Variants in DHRS12 observed in about 807,000 individuals in gnomAD.
DHRS12 encodes the protein dehydrogenase/reductase SDR family member 12.
DHRS12 carries 29 observed loss-of-function variants against 32.1 expected under a neutral mutation model. The observed-to-expected ratio is 0.90, with a 90% CI of 0.67 to 1.23. The LOEUF (loss-of-function observed/expected upper bound fraction) is 1.23. Ranked by LOEUF, DHRS12 falls within the 50% of genes most tolerant of loss-of-function variation. DHRS12 has a pLI of 0.00. For missense variants in DHRS12, 330 were observed against 337.2 expected (o/e 0.98, Z 0.17); for synonymous variants, 150 against 135.9 (o/e 1.10, Z -0.72).
rs1287473891 is a variant in DHRS12 at position 51,782,350 on chromosome 13, C to T, written c.302-5229G>A. On this transcript the variant is annotated intron_variant, in intron 4 of 8. Coordinates refer to ENST00000444610, the MANE Select transcript of DHRS12 (RefSeq NM_001377533.1). The surrounding 1 kb of genome is among the most constrained non-coding windows in gnomAD (Gnocchi z 4.2). ...GAGGGATGCCAACATTTAAAGTCCC[C>T]GCAGACACGCTGCAGCTGGCTAAGG... Among the ~76,000 whole-genome samples, 1 of 152,082 alleles carries T rather than the reference C, an allele frequency of 6.6e-6. No individual in the cohort carries two copies. The highest frequency in any genetic ancestry group is 6.5e-5 in the Admixed American group (1 of 15,280).
chr13:51,758,819 G>A, the DHRS12 span, among the ~76,000 whole-genome samples: 3 of 152,188 alleles, frequency 2.0e-5, no homozygotes, highest in Non-Finnish European at 4.4e-5. Context: ...GGAGGTCACA[G>A]CAGGATGAGA....
chr13:51,755,860 A>G, the DHRS12 span, among the ~76,000 whole-genome samples: 300 of 152,288 alleles, frequency 2.0e-3, no homozygotes, highest in South Asian at 4.8e-3. Flanking sequence ...AGCATTTTCA[A>G]TCTGATTCCA....
downstream of DHRS12, chr13:51,765,589 A>C (rs1953720797): frequency 1.3e-5 from 2 of 152,170 alleles, no homozygotes; most frequent in Non-Finnish European, 2.9e-5. Context: ...TTATTATTGG[A>C]CATGCCTAGC....
At chr13:51,770,857 C>T in intron 7 of DHRS12, 1 of 1,092,260 alleles carries the variant, frequency 9.2e-7, no homozygotes, top group Non-Finnish European at 1.1e-6. Context: ...GCAGAGTCTT[C>T]AGCCCTGAAC....
chr13:51,772,146 A>G (rs1024132419), intron 6 of DHRS12, among the ~76,000 whole-genome samples: 1 of 152,064 alleles, frequency 6.6e-6, no homozygotes, highest in Non-Finnish European at 1.5e-5. Flanking sequence ...ACGCAGCAAA[A>G]CACTGAGAGA....
chr13:51,793,628 G>A (rs765465851), intron 2 of DHRS12, among the ~76,000 whole-genome samples: 2 of 152,158 alleles, frequency 1.3e-5, no homozygotes, highest in Non-Finnish European at 2.9e-5. Flanking sequence ...TCTGTACAGA[G>A]CTATTCTCTT....
intron 4 of DHRS12, among the ~76,000 whole-genome samples, chr13:51,778,581 G>A (rs1954554943): frequency 6.6e-6 from 1 of 152,166 alleles, no homozygotes; most frequent in Non-Finnish European, 1.5e-5. Context: ...TGCCCTGACG[G>A]ATTGTCATAA....
At chr13:51,766,022 A>G (rs1953736936), downstream of DHRS12, 1 of 152,176 alleles carries the variant, frequency 6.6e-6, no homozygotes, top group African/African-American at 2.4e-5. Context: ...CACTCACAAA[A>G]AAAGGGAAAA....
At chr13:51,790,150 C>G (rs925932076) in intron 3 of DHRS12, 58 bp from the exon 4 acceptor site, 2 of 1,370,454 alleles carry the variant, frequency 1.5e-6, no homozygotes, top group Non-Finnish European at 2.0e-6. Flanking sequence ...AGACCTATTT[C>G]CATCCCCACA....
intron 4 of DHRS12, 117 bp from the exon 5 acceptor site, chr13:51,777,238 G>A: frequency 9.3e-7 from 1 of 1,077,748 alleles, no homozygotes; most frequent in Non-Finnish European, 1.4e-6. Context: ...AGGGCAAGTG[G>A]CCACCTGAGG....
chr13:51,804,124 A>C lies in DHRS12; in HGVS notation c.-79T>G, dbSNP rs1955887560. The C allele has an allele frequency of 6.8e-7, 1 of 1,474,192 alleles. No homozygotes were observed. Among genetic ancestry groups the C allele is most frequent in the Non-Finnish European group, 9.0e-7 (1 of 1,117,074 alleles). The allele number at this position is 1,474,192 out of a possible 1,614,324, so 91.3% of individuals were successfully genotyped here. On this transcript the variant is annotated 5_prime_UTR_variant, in exon 1 of 9. Transcript: ENST00000444610. The stretch of plus-strand genomic sequence containing the variant: ...TACAGGGACATGCCGGGAGCGCCCC[A>C]CGCCTAGCCCCACCGCGCTCCCGGC...
chr13:51,767,562 A>G (rs1267948048), downstream of DHRS12: 2 of 152,752 alleles, frequency 1.3e-5, no homozygotes, highest in Non-Finnish European at 2.9e-5. Context: ...TTTTATTACA[A>G]CTTTTCCTGG....
chr13:51,768,925 G>A lies in DHRS12; in HGVS notation c.697+231C>T. 2.1e-6 allele frequency: 3 copies of A among 1,397,950 alleles called. No homozygotes were observed. In the African/African-American group the frequency reaches 4.4e-5, roughly 21 times the overall value. 86.6% of individuals were successfully genotyped at this position (1,397,950 alleles called of 1,614,324 possible). A position where few individuals can be genotyped will look rare whatever the true frequency, so the allele number is the denominator to read the frequency against. On this transcript the variant is annotated intron_variant, in intron 8 of 8. Coordinates refer to ENST00000444610, the MANE Select transcript of DHRS12 (RefSeq NM_001377533.1). ...AGGAACTGCCTCTCCCGTTCTCACAGGACCTTGATGACAGGGTTATCACAA... is the reference window on the plus strand; with the variant it reads ...AGGAACTGCCTCTCCCGTTCTCACAAGACCTTGATGACAGGGTTATCACAA...
the DHRS12 span, chr13:51,759,709 T>A: frequency 1.2e-6 from 2 of 1,612,934 alleles, no homozygotes; most frequent in Non-Finnish European, 8.5e-7. Flanking sequence ...ACAATTTTAG[T>A]TCATTCTGTA....
Position 51,778,775 on chromosome 13 carries a change from G to A in DHRS12, c.302-1654C>T, listed in dbSNP as rs950268176. Among the ~76,000 whole-genome samples the A allele has an allele frequency of 7.2e-5, 11 of 152,126 alleles. No homozygotes were observed. The East Asian group carries it at 7.7e-4, about 11-fold the overall frequency. On this transcript the variant is annotated intron_variant, in intron 4 of 8. Coordinates refer to ENST00000444610, the MANE Select transcript of DHRS12 (RefSeq NM_001377533.1). ...CACCTGCAGGAGGGCTGGCTGGGTC[G>A]CTTGTCCCTGCCAAGTACTCTCTCC...
In DHRS12 at chr13:51,804,131, G is replaced by A; in HGVS notation, c.-86C>T. On this transcript the variant is annotated 5_prime_UTR_variant, in exon 1 of 9. Coordinates refer to ENST00000444610, the MANE Select transcript of DHRS12 (RefSeq NM_001377533.1). The stretch of plus-strand genomic sequence containing the variant: ...ACATGCCGGGAGCGCCCCACGCCTA[G>A]CCCCACCGCGCTCCCGGCGCGGCCT... The A allele has an allele frequency of 6.9e-7, 1 of 1,458,696 alleles. No homozygotes were observed. The highest frequency in any genetic ancestry group is 9.0e-7 in the Non-Finnish European group (1 of 1,109,326). 90.4% of individuals were successfully genotyped at this position (1,458,696 alleles called of 1,614,324 possible). A position where few individuals can be genotyped will look rare whatever the true frequency, so the allele number is the denominator to read the frequency against.
chr13:51,756,739 C>T, the DHRS12 span: 5 of 706,720 alleles, frequency 7.1e-6, no homozygotes, highest in Non-Finnish European at 8.7e-6. Flanking sequence ...ACAAACCCTT[C>T]TGTCTGCTCA....
intron 2 of DHRS12, among the ~76,000 whole-genome samples, chr13:51,794,727 T>C (rs188728920): frequency 6.6e-6 from 1 of 151,276 alleles, no homozygotes; most frequent in Non-Finnish European, 1.5e-5. Context: ...TGAAAGCCTA[T>C]CTCAAAAATA....
downstream of DHRS12, chr13:51,765,854 C>T (rs1348021787): frequency 6.6e-6 from 1 of 152,088 alleles, no homozygotes; most frequent in East Asian, 1.9e-4. Flanking sequence ...AAATAGATAC[C>T]TCAAAATGTT....
Sources: gnomAD v4.1 joint callset for allele counts (sites outside exome capture counted in the v4.1 genomes callset) on GRCh38, gnomAD v4.1.1 for gene constraint, Gnocchi (gnomAD v3.1) non-coding constraint, MANE v1.5 for transcripts, NCBI Gene and HGNC (gene_info 2026-07-23, HGNC 2026-07-21) for gene names.